THTPA: variants seen among roughly 807,000 people sequenced by gnomAD.
THTPA encodes thiamine triphosphatase.
A neutral mutation model predicts 16.5 loss-of-function variants in THTPA; 16 were observed. The ratio of observed to expected loss-of-function variants is 0.97; its 90% CI spans 0.66 to 1.47. The LOEUF (loss-of-function observed/expected upper bound fraction) is 1.47, where lower values mean the gene tolerates loss of function less well. THTPA is among the 40% of genes most tolerant of loss of function. THTPA has a pLI of 0.00. For missense variants in THTPA, 281 were observed against 280.9 expected, an observed-to-expected ratio of 1.00 and a Z score of 0.00; for synonymous variants, 110 against 115.5, an observed-to-expected ratio of 0.95 and a Z score of 0.30.
rs555037381 is a variant in THTPA, at chr14:23,560,138, G to A, written c.*1298G>A. ...ACACCCTTTTCCTGTAACTCCCCAAGTGCTGATCTCCAGATGACTCAATCC... is the reference window on the plus strand; with the variant it reads ...ACACCCTTTTCCTGTAACTCCCCAAATGCTGATCTCCAGATGACTCAATCC... On this transcript the variant is annotated 3_prime_UTR_variant, in exon 2 of 2. Transcript: ENST00000288014. The A allele has an allele frequency of 2.0e-4, 290 of 1,452,566 alleles. No individual in the cohort carries two copies. Among genetic ancestry groups the A allele is most frequent in the Non-Finnish European group, 2.7e-4 (284 of 1,054,944 alleles). The allele number at this position is 1,452,566 out of a possible 1,614,324, so 90.0% of individuals were successfully genotyped here.
At chr14:23,540,135 CATG>C in the THTPA span, among the ~76,000 whole-genome samples, 1 of 152,198 alleles carries the variant, frequency 6.6e-6, no homozygotes, top group Non-Finnish European at 1.5e-5. Flanking sequence ...GGACTACAGG[CATG>C]TGCCACCACG....
chr14:23,532,391 T>G, the THTPA span: 1 of 742,548 alleles, frequency 1.3e-6, no homozygotes, highest in South Asian at 3.7e-5. Flanking sequence ...TCCTTTGGTC[T>G]CTTTCTCCAT....
the THTPA span, among the ~76,000 whole-genome samples, chr14:23,547,940 A>C: frequency 6.6e-6 from 1 of 152,186 alleles, no homozygotes; most frequent in Non-Finnish European, 1.5e-5. Context: ...AGTCTCTCAG[A>C]CTAGGGGACT....
the THTPA span, chr14:23,524,104 T>C: frequency 3.9e-6 from 6 of 1,534,332 alleles, no homozygotes; most frequent in Non-Finnish European, 4.4e-6. This position sits in a 1 kb window ranked among gnomAD's most constrained non-coding sequence, Gnocchi z 5.6. Flanking sequence ...CCTTGCCTAA[T>C]AAGAGGTTGA....
At chr14:23,529,181 G>A in the THTPA span, among the ~76,000 whole-genome samples, 2 of 152,200 alleles carry the variant, frequency 1.3e-5, no homozygotes, top group South Asian at 4.1e-4. Context: ...TGCCATTCCT[G>A]GGTGCTGCCT....
At chr14:23,525,254 CG>C in the THTPA span, 3 of 1,536,076 alleles carry the variant, frequency 2.0e-6, no homozygotes, top group Non-Finnish European at 2.6e-6. This position sits in a 1 kb window ranked among gnomAD's most constrained non-coding sequence, Gnocchi z 5.9. Flanking sequence ...TTCAGGGGCA[CG>C]GGTCCCCCCT....
the THTPA span, among the ~76,000 whole-genome samples, chr14:23,527,356 C>T: frequency 6.6e-6 from 1 of 152,218 alleles, no homozygotes; most frequent in Non-Finnish European, 1.5e-5. Flanking sequence ...AATCCAACTT[C>T]AAATCCATGA....
intron 1 of THTPA, among the ~76,000 whole-genome samples, chr14:23,557,753 T>TC (rs1229906072): frequency 1.3e-5 from 2 of 150,682 alleles, no homozygotes; most frequent in Non-Finnish European, 2.9e-5. Flanking sequence ...TCCCCCAATC[T>TC]CTTTTTTTTC....
chr14:23,536,461 A>G, the THTPA span, among the ~76,000 whole-genome samples: 1 of 152,178 alleles, frequency 6.6e-6, no homozygotes, highest in African/African-American at 2.4e-5. Context: ...TGTGGAACAG[A>G]TGGGAGCTTC....
rs1882513720 is a variant in THTPA at position 23,557,301 on chromosome 14, C to T, written c.544C>T (p.Leu182Phe). 1 of 1,591,132 alleles carries T rather than the reference C, an allele frequency of 6.3e-7. No homozygotes were observed. Among genetic ancestry groups the T allele is most frequent in the Non-Finnish European group, 8.5e-7 (1 of 1,171,660 alleles). ...GAAGATCCACAGGCTCAGCAGCATGCTTGGTGAGGGAGACAGGCCCTTTTG... is the reference window on the plus strand; with the variant it reads ...GAAGATCCACAGGCTCAGCAGCATGTTTGGTGAGGGAGACAGGCCCTTTTG... ...LEKIHRLSSM[L>F]GVPAQETAPA... The change falls in exon 1 of 2, where the codon CTT (leucine) becomes TTT (phenylalanine). Residue 182 changes from leucine to phenylalanine, a missense_variant. Leu to Phe is a conservative substitution (Grantham distance 22, BLOSUM62 0). Transcript: ENST00000288014.
the THTPA span, chr14:23,533,511 C>T: frequency 6.5e-6 from 10 of 1,536,042 alleles, no homozygotes; most frequent in East Asian, 1.7e-4. The surrounding 1 kb of genome is among the most constrained non-coding windows in gnomAD (Gnocchi z 4.8). Flanking sequence ...GCAGGCCCAG[C>T]GGCAGCCCCT....
At chr14:23,525,258 TC>T in the THTPA span, 1 of 1,535,742 alleles carries the variant, frequency 6.5e-7, no homozygotes, top group Non-Finnish European at 8.7e-7. This position sits in a 1 kb window ranked among gnomAD's most constrained non-coding sequence, Gnocchi z 5.9. Context: ...GGGGCACGGG[TC>T]CCCCCTGCCT....
chr14:23,540,187 C>T, the THTPA span, among the ~76,000 whole-genome samples: 43 of 152,210 alleles, frequency 2.8e-4, no homozygotes, highest in African/African-American at 9.6e-4. Context: ...GACAAGGTTT[C>T]GCCATGTTGC....
At chr14:23,523,427 G>C in the THTPA span, 1 of 1,533,440 alleles carries the variant, frequency 6.5e-7, no homozygotes, top group East Asian at 2.4e-5. This position sits in a 1 kb window ranked among gnomAD's most constrained non-coding sequence, Gnocchi z 4.1. Context: ...CTTGAGCTTG[G>C]CCAGGTGCTG....
the THTPA span, chr14:23,533,373 C>G: frequency 2.1e-6 from 3 of 1,455,110 alleles, no homozygotes; most frequent in Non-Finnish European, 1.8e-6. This position sits in a 1 kb window ranked among gnomAD's most constrained non-coding sequence, Gnocchi z 4.8. Flanking sequence ...CTGGCCTCAG[C>G]CCCGGGCCAG....
chr14:23,527,693 C>G, the THTPA span: 1 of 1,536,224 alleles, frequency 6.5e-7, no homozygotes, highest in Non-Finnish European at 8.7e-7. Context: ...ACCAGCTGTT[C>G]CTGGCACAGT....
chr14:23,529,744 G>A, the THTPA span: 2 of 1,536,286 alleles, frequency 1.3e-6, no homozygotes, highest in Non-Finnish European at 1.7e-6. Flanking sequence ...GGAAGGGCCA[G>A]TCTTGTTTTC....
At chr14:23,535,392 G>C in the THTPA span, 1 of 1,430,048 alleles carries the variant, frequency 7.0e-7, no homozygotes, top group Non-Finnish European at 9.1e-7. This position sits in a 1 kb window ranked among gnomAD's most constrained non-coding sequence, Gnocchi z 4.5. Context: ...GAGACAAGGA[G>C]AGAGCAGTGC....
At chr14:23,546,530 C>A in the THTPA span, among the ~76,000 whole-genome samples, 3 of 152,238 alleles carry the variant, frequency 2.0e-5, no homozygotes, top group African/African-American at 7.2e-5. This position sits in a 1 kb window ranked among gnomAD's most constrained non-coding sequence, Gnocchi z 4.7. Flanking sequence ...CTAGTTCCTA[C>A]ATGAGGAAGC....
Sources: gnomAD v4.1 joint callset for allele counts (sites outside exome capture counted in the v4.1 genomes callset) on GRCh38, gnomAD v4.1.1 for gene constraint, Gnocchi (gnomAD v3.1) non-coding constraint, MANE v1.5 for transcripts, NCBI Gene and HGNC (gene_info 2026-07-23, HGNC 2026-07-21) for gene names.